The following CCBE1 variants were observed in gnomAD, a reference collection of about 807,000 sequenced individuals.
CCBE1 encodes collagen and calcium binding EGF domains 1.
A neutral mutation model predicts 50.0 loss-of-function variants in CCBE1; 37 were observed. The ratio of observed to expected loss-of-function variants is 0.74; its 90% CI spans 0.57 to 0.97. The LOEUF (loss-of-function observed/expected upper bound fraction) is 0.97. Among genes scored for constraint, CCBE1 ranks in the 50% least tolerant of loss-of-function variants. The pLI is 0.00. For missense variants in CCBE1, 538 were observed against 523.8 expected (o/e 1.03, Z -0.26); for synonymous variants, 234 against 203.7 (o/e 1.15, Z -1.27).
At chr18:59,603,825 G>C (rs976854682) in intron 2 of CCBE1, among the ~76,000 whole-genome samples, 4 of 152,180 alleles carry the variant, frequency 2.6e-5, no homozygotes, top group African/African-American at 9.7e-5. Context: ...CAGCTAGGAA[G>C]GAGATCTGAG....
intron 2 of CCBE1, among the ~76,000 whole-genome samples, chr18:59,573,003 G>A (rs1392284795): frequency 7.2e-5 from 11 of 151,946 alleles, no homozygotes; most frequent in African/African-American, 2.4e-4. Context: ...TGTGCATAAG[G>A]CTGGGCACAG....
Position 59,687,729 on chromosome 18 carries a change from C to A in CCBE1, c.212+8900G>T, listed in dbSNP as rs76455972. Among the ~76,000 whole-genome samples, 1,464 of 152,240 alleles carry A rather than the reference C, an allele frequency of 9.6e-3. 23 individuals carry two copies. Among genetic ancestry groups the A allele is most frequent in the African/African-American group, 0.034 (1,415 of 41,522 alleles). On this transcript the variant is annotated intron_variant, in intron 2 of 10. Transcript: ENST00000439986. The stretch of plus-strand genomic sequence containing the variant: ...CTGTAATCCCAGTACTTTGGGAGGC[C>A]GAGATGGGTGGATCACCTGAGGAGC...
intron 2 of CCBE1, among the ~76,000 whole-genome samples, chr18:59,525,133 G>A (rs546062142): frequency 6.6e-6 from 1 of 152,274 alleles, no homozygotes; most frequent in East Asian, 1.9e-4. Flanking sequence ...CTGGTTCTAG[G>A]TCTTTGAGGA....
At chr18:59,506,812 A>G (rs1913895931) in intron 2 of CCBE1, among the ~76,000 whole-genome samples, 1 of 152,226 alleles carries the variant, frequency 6.6e-6, no homozygotes, top group Admixed American at 6.5e-5. Flanking sequence ...TTAAATTTAC[A>G]ACTATCACCT....
intron 5 of CCBE1, among the ~76,000 whole-genome samples, chr18:59,461,395 G>T (rs13381289): frequency 6.6e-6 from 1 of 151,340 alleles, no homozygotes; most frequent in Non-Finnish European, 1.5e-5. Flanking sequence ...TTCAGGGCAT[G>T]CAACGGCCTG....
At chr18:59,561,946 T>C (rs1173018895) in intron 2 of CCBE1, among the ~76,000 whole-genome samples, 1 of 152,124 alleles carries the variant, frequency 6.6e-6, no homozygotes, top group Non-Finnish European at 1.5e-5. Context: ...TACCTGCCTA[T>C]TGCCCCCTGA....
At chr18:59,622,365 G>A (rs879699850) in intron 2 of CCBE1, among the ~76,000 whole-genome samples, 6 of 151,814 alleles carry the variant, frequency 4.0e-5, no homozygotes, top group Admixed American at 3.3e-4. Context: ...GTGTGGTGGC[G>A]GGTGCCTGTA....
At chr18:59,645,842 T>A (rs974634438) in intron 2 of CCBE1, among the ~76,000 whole-genome samples, 1 of 152,060 alleles carries the variant, frequency 6.6e-6, no homozygotes, top group Non-Finnish European at 1.5e-5. Flanking sequence ...CCATCCTGGC[T>A]AACACGGTGA....
At chr18:59,676,476 A>G (rs1457305679) in intron 2 of CCBE1, among the ~76,000 whole-genome samples, 1 of 152,342 alleles carries the variant, frequency 6.6e-6, no homozygotes, top group Middle Eastern at 3.4e-3. Flanking sequence ...ATCTTCTTAT[A>G]TATAACTGCC....
chr18:59,545,030 A>G (rs1312330818), intron 2 of CCBE1, among the ~76,000 whole-genome samples: 4 of 152,232 alleles, frequency 2.6e-5, no homozygotes, highest in African/African-American at 7.2e-5. Flanking sequence ...AAACTAGGTC[A>G]TAAGATATGC....
chr18:59,585,755 C>T (rs2053170535), intron 2 of CCBE1, among the ~76,000 whole-genome samples: 1 of 152,214 alleles, frequency 6.6e-6, no homozygotes, highest in South Asian at 2.1e-4. Flanking sequence ...CATAGCCATA[C>T]ATTTTCATCA....
intron 2 of CCBE1, among the ~76,000 whole-genome samples, chr18:59,616,114 G>A (rs2053633550): frequency 6.6e-6 from 1 of 152,130 alleles, no homozygotes; most frequent in Admixed American, 6.6e-5. Flanking sequence ...GAGGATCTGG[G>A]TTAGAGGGAA....
chr18:59,623,545 G>T (rs1262779423), intron 2 of CCBE1, among the ~76,000 whole-genome samples: 1 of 152,142 alleles, frequency 6.6e-6, no homozygotes, highest in Non-Finnish European at 1.5e-5. Context: ...GCCTTCCTGG[G>T]TTCTCTGAAG....
intron 2 of CCBE1, among the ~76,000 whole-genome samples, chr18:59,546,854 TAGC>T (rs1233563747): frequency 2.6e-5 from 4 of 152,146 alleles, no homozygotes. Context: ...GAGTTATCCA[TAGC>T]AATCTCATCC....
Position 59,635,737 on chromosome 18 carries a change from T to C in CCBE1, c.212+60892A>G, listed in dbSNP as rs181525851. ...CTGTACAGGAAGAGTATTTTTAGAT[T>C]AAAAAAAAAAAGCTCAAGATAGGAA... On this transcript the variant is annotated intron_variant, in intron 2 of 10. Coordinates refer to ENST00000439986, the MANE Select transcript of CCBE1 (RefSeq NM_133459.4). Among the ~76,000 whole-genome samples, 17 of 142,360 alleles carry C rather than the reference T, an allele frequency of 1.2e-4. No individual in the cohort carries two copies. The East Asian group carries it at 3.2e-3, about 27-fold the overall frequency. 93.4% of individuals were successfully genotyped at this position (142,360 alleles called of 152,430 possible).
At chr18:59,684,811 G>A (rs147478987) in intron 2 of CCBE1, among the ~76,000 whole-genome samples, 1 of 152,284 alleles carries the variant, frequency 6.6e-6, no homozygotes, top group East Asian at 1.9e-4. Context: ...TAACTATCTG[G>A]TCAAACCACA....
intron 2 of CCBE1, among the ~76,000 whole-genome samples, chr18:59,508,066 A>G (rs1427630892): frequency 6.6e-6 from 1 of 151,666 alleles, no homozygotes; most frequent in Admixed American, 6.6e-5. Flanking sequence ...TAAATTTTTT[A>G]TATTTTAGTA....
intron 2 of CCBE1, among the ~76,000 whole-genome samples, chr18:59,539,018 A>C (rs898516500): frequency 4.6e-5 from 7 of 152,008 alleles, no homozygotes; most frequent in African/African-American, 1.4e-4. Flanking sequence ...TCTCTAGAAA[A>C]GTAAAAAACT....
At chr18:59,637,891 A>G (rs2053934738) in intron 2 of CCBE1, among the ~76,000 whole-genome samples, 1 of 152,196 alleles carries the variant, frequency 6.6e-6, no homozygotes, top group African/African-American at 2.4e-5. Context: ...CTTCCTAGGC[A>G]TGCTCTAACC....
Sources: gnomAD v4.1 joint callset for allele counts (sites outside exome capture counted in the v4.1 genomes callset) on GRCh38, gnomAD v4.1.1 for gene constraint, MANE v1.5 for transcripts, NCBI Gene and HGNC (gene_info 2026-07-23, HGNC 2026-07-21) for gene names.